OSBP: variants seen among roughly 807,000 people sequenced by gnomAD.
OSBP encodes oxysterol binding protein.
A neutral mutation model predicts 96.6 loss-of-function variants in OSBP; 32 were observed. The observed-to-expected ratio is 0.33, with a 90% confidence interval of 0.25 to 0.45. The LOEUF (loss-of-function observed/expected upper bound fraction) is 0.45. OSBP is among the 20% of genes least tolerant of loss of function. The probability of loss-of-function intolerance (pLI) is 1.00; values close to 1 mark genes in which losing one functional copy is unlikely to be tolerated. For synonymous variants in OSBP, 369 were observed against 389.6 expected (o/e 0.95, Z 0.62); for missense variants, 653 against 1,029.7 (o/e 0.63, Z 5.01).
chr11:59,593,763 A>C (rs556747442), intron 8 of OSBP, 39 bp from the exon 9 acceptor site: 4 of 1,611,608 alleles, frequency 2.5e-6, no homozygotes, highest in Non-Finnish European at 3.4e-6. Flanking sequence ...GGCAGAAAGG[A>C]GAAGAAAAAG....
chr11:59,596,691 G>C lies in OSBP; in HGVS notation c.1312-2436C>G, dbSNP rs1860662557. 1.3e-5 allele frequency among the ~76,000 whole-genome samples: 2 copies of C among 152,140 alleles called. 1 individual carries two copies. The highest frequency in any genetic ancestry group is 4.2e-4 in the South Asian group (2 of 4,818). ...AGCAGTATTACTACAGCCTAGAGGT[G>C]GGGGTCCAAGAGAGGAGGATCAGGA... is the stretch of plus-strand genomic sequence containing the variant. On this transcript the variant is annotated intron_variant, in intron 7 of 13. Transcript: ENST00000263847.
intron 3 of OSBP, among the ~76,000 whole-genome samples, chr11:59,608,049 G>A (rs576270096): frequency 2.0e-5 from 3 of 152,114 alleles, no homozygotes; most frequent in Admixed American, 6.6e-5. Flanking sequence ...CCAACTCAAA[G>A]CTCAAAGAAC....
chr11:59,579,289 T>C (rs1860392965), intron 11 of OSBP, among the ~76,000 whole-genome samples: 1 of 152,110 alleles, frequency 6.6e-6, no homozygotes, highest in Non-Finnish European at 1.5e-5. Context: ...TCCTGAAATC[T>C]TTTATTAGTC....
chr11:59,579,674 TTAG>T (rs1860397472), intron 11 of OSBP, among the ~76,000 whole-genome samples: 1 of 152,102 alleles, frequency 6.6e-6, no homozygotes, highest in Admixed American at 6.6e-5. Flanking sequence ...AGGAATTGGC[TTAG>T]TAGTAATACA....
At chr11:59,589,938 G>T (rs952616794) in intron 9 of OSBP, among the ~76,000 whole-genome samples, 4 of 151,834 alleles carry the variant, frequency 2.6e-5, no homozygotes, top group African/African-American at 9.7e-5. Flanking sequence ...AGCCGAGATT[G>T]CGCCACTGCA....
intron 13 of OSBP, 34 bp downstream of exon 13, chr11:59,576,771 A>G (rs1295686281): frequency 1.2e-6 from 2 of 1,612,912 alleles, no homozygotes. Context: ...TTCTCCATGC[A>G]TCAAGAAAGA....
At position 59,576,608 on chromosome 11, in the gene OSBP, T is replaced by G; in HGVS notation, c.2393A>C (p.Gln798Pro). 1 of 1,613,970 alleles carries G rather than the reference T, an allele frequency of 6.2e-7. No homozygotes were observed. The highest frequency in any genetic ancestry group is 1.1e-5 in the South Asian group (1 of 91,008). ...AATGTCCGGGCATGAGCTCCAGTCC[T>G]GTTTTTCTTTACACTCCCAGTATTC... ...RGEYWECKEK[Q>P]DWSSCPDIF The change falls in exon 14 of 14, where the codon CAG becomes CCG. Residue 798 changes from glutamine (Q) to proline (P), a missense_variant. Transcript: ENST00000263847.
chr11:59,585,029 C>T (rs1025956063), intron 9 of OSBP, among the ~76,000 whole-genome samples: 3 of 152,116 alleles, frequency 2.0e-5, no homozygotes, highest in South Asian at 2.1e-4. Context: ...CCCAAAATGC[C>T]GAGATTACAG....
intron 7 of OSBP, 35 bp from the exon 8 acceptor site, chr11:59,594,290 C>G: frequency 6.2e-7 from 1 of 1,606,496 alleles, no homozygotes; most frequent in Non-Finnish European, 8.5e-7. Flanking sequence ...AAACTATGCT[C>G]ACTCATCTAT....
intron 9 of OSBP, among the ~76,000 whole-genome samples, chr11:59,583,034 G>A (rs1036939928): frequency 2.6e-5 from 4 of 152,154 alleles, no homozygotes; most frequent in Non-Finnish European, 5.9e-5. Flanking sequence ...TTCCAGGCCA[G>A]GTGGGGTGGC....
At chr11:59,579,932 G>A (rs558065817) in intron 11 of OSBP, among the ~76,000 whole-genome samples, 9 of 151,958 alleles carry the variant, frequency 5.9e-5, no homozygotes, top group Admixed American at 2.0e-4. Flanking sequence ...GGCTGGGCTC[G>A]AACTCCTGAC....
Position 59,594,184 on chromosome 11 carries a change from G to T in OSBP, c.1383C>A (p.Asp461Glu), listed in dbSNP as rs745510303. Reference protein sequence around the residue: ...TEDLEYHELLDRAAKCENSLE... With the variant: ...TEDLEYHELLERAAKCENSLE... ...GAGAATTCTCACATTTTGCAGCTCG[G>T]TCTAACAGCTCATGGTATTCCAGAT... The change falls in exon 8 of 14, where the codon GAC becomes GAA. Residue 461 changes from aspartate (D) to glutamate (E), a missense_variant. By Grantham distance (45) the Asp-to-Glu change is conservative (BLOSUM62 2). Transcript: ENST00000263847. 6.2e-7 allele frequency: 1 copy of T among 1,614,170 alleles called. No individual in the cohort carries two copies. The highest frequency in any genetic ancestry group is 1.7e-5 in the Admixed American group (1 of 60,018).
At chr11:59,602,878 C>T (rs551260885) in intron 3 of OSBP, among the ~76,000 whole-genome samples, 1 of 152,316 alleles carries the variant, frequency 6.6e-6, no homozygotes, top group Non-Finnish European at 1.5e-5. Flanking sequence ...TCTCAGCCTC[C>T]CAAAGTGTTG....
intron 7 of OSBP, among the ~76,000 whole-genome samples, chr11:59,599,943 A>G (rs1860699573): frequency 6.6e-6 from 1 of 152,190 alleles, no homozygotes; most frequent in Non-Finnish European, 1.5e-5. Flanking sequence ...GAGGACTGAC[A>G]TGACTACATT....
At chr11:59,607,179 G>A (rs149263064) in intron 3 of OSBP, among the ~76,000 whole-genome samples, 18 of 152,210 alleles carry the variant, frequency 1.2e-4, no homozygotes, top group African/African-American at 3.4e-4. Context: ...CCATTGTGCC[G>A]AGTTGTTTTA....
intron 3 of OSBP, among the ~76,000 whole-genome samples, chr11:59,605,367 C>T (rs1217656256): frequency 6.6e-6 from 1 of 152,118 alleles, no homozygotes; most frequent in East Asian, 1.9e-4. Flanking sequence ...TCCCATACCA[C>T]TACCTGGATC....
At chr11:59,585,231 G>C (rs1438343433) in intron 9 of OSBP, among the ~76,000 whole-genome samples, 3 of 151,660 alleles carry the variant, frequency 2.0e-5, no homozygotes, top group Non-Finnish European at 4.4e-5. Context: ...AGGAAGTGAG[G>C]AGCGTCTCTG....
rs1458404433 is a variant in OSBP at position 59,600,853 on chromosome 11, C to T, written c.1145G>A (p.Ser382Asn). 6.8e-6 allele frequency: 11 copies of T among 1,613,566 alleles called. No individual in the cohort carries two copies. Among genetic ancestry groups the T allele is most frequent in the Non-Finnish European group, 9.3e-6 (11 of 1,179,784 alleles). ...AAGGCTGATGTCACTGCTGGCTCCA[C>T]TGATATTGCTGCCAGTACGTCTGTA... ...LGHKRTGSNI[S>N]GASSDISLDE... The change falls in exon 6 of 14, where the codon AGT becomes AAT. Residue 382 changes from serine to asparagine, a missense_variant. Coordinates refer to ENST00000263847, the MANE Select transcript of OSBP (RefSeq NM_002556.3).
intron 3 of OSBP, among the ~76,000 whole-genome samples, chr11:59,603,172 G>C (rs1257643942): frequency 6.6e-6 from 1 of 152,166 alleles, no homozygotes; most frequent in Non-Finnish European, 1.5e-5. Flanking sequence ...TATCTCTCCA[G>C]ATGGATCACA....
Sources: gnomAD v4.1 joint callset for allele counts (sites outside exome capture counted in the v4.1 genomes callset) on GRCh38, gnomAD v4.1.1 for gene constraint, MANE v1.5 for transcripts, NCBI Gene and HGNC (gene_info 2026-07-23, HGNC 2026-07-21) for gene names.